Variants in ANKRD30BL observed in about 807,000 individuals in gnomAD.
ANKRD30BL encodes the protein ankyrin repeat domain 30B like, also known as putative ankyrin repeat domain-containing protein 30B-like.
A neutral mutation model predicts 18.4 loss-of-function variants in ANKRD30BL; 20 were observed. The ratio of observed to expected loss-of-function variants is 1.09; its 90% CI spans 0.77 to 1.58. The LOEUF (loss-of-function observed/expected upper bound fraction) is 1.58. Ranked by LOEUF, ANKRD30BL falls within the 40% of genes most tolerant of loss-of-function variation. The pLI, the probability that ANKRD30BL is intolerant of heterozygous loss-of-function variation, is 0.00. For synonymous variants in ANKRD30BL, 72 were observed against 100.9 expected (o/e 0.71, Z 1.72); for missense variants, 224 against 268.6 (o/e 0.83, Z 1.16).
chr2:132,214,992 T>A (rs919733068), intron 1 of ANKRD30BL, among the ~76,000 whole-genome samples: 1 of 152,012 alleles, frequency 6.6e-6, no homozygotes, highest in African/African-American at 2.4e-5. Context: ...GTGTGGCCTA[T>A]GGTGGAAAAA....
At chr2:132,231,750 C>A (rs113175995) in intron 1 of ANKRD30BL, among the ~76,000 whole-genome samples, 1 of 151,958 alleles carries the variant, frequency 6.6e-6, no homozygotes, top group Non-Finnish European at 1.5e-5. Flanking sequence ...AAGGTGGCAG[C>A]GAGGCTGGGG....
chr2:132,169,871 G>T (rs1688249449), intron 1 of ANKRD30BL, among the ~76,000 whole-genome samples: 1 of 151,898 alleles, frequency 6.6e-6, no homozygotes, highest in Admixed American at 6.6e-5. Context: ...TGCATCTCTA[G>T]GTGGTTTTTG....
chr2:132,205,194 C>T (rs1573839198), intron 1 of ANKRD30BL, among the ~76,000 whole-genome samples: 1 of 152,080 alleles, frequency 6.6e-6, no homozygotes, highest in African/African-American at 2.4e-5. Flanking sequence ...TCCAAGAATA[C>T]ATTTCAGGAA....
intron 1 of ANKRD30BL, among the ~76,000 whole-genome samples, chr2:132,188,750 T>G (rs200849859): frequency 3.3e-5 from 5 of 151,952 alleles, no homozygotes; most frequent in African/African-American, 1.2e-4. Context: ...ATTAACACCT[T>G]GCTTATTATA....
Position 132,216,460 on chromosome 2 carries a change from C to G in ANKRD30BL, n.441+41069G>C, listed in dbSNP as rs528391415. Among the ~76,000 whole-genome samples the G allele has an allele frequency of 5.6e-4, 85 of 152,048 alleles. 1 individual carries two copies. The highest frequency in any genetic ancestry group is 2.0e-3 in the African/African-American group (82 of 41,498). The stretch of plus-strand genomic sequence containing the variant: ...TTTGGTTGAGCAGTTTGGAAACACT[C>G]TTTTTGTAGAATCTGCAAGTGGACA... On this transcript the variant is annotated intron_variant and non_coding_transcript_variant, in intron 1 of 4. Coordinates refer to the ANKRD30BL transcript ENST00000470729.
rs184291660 is a variant in ANKRD30BL, at chr2:132,235,421, T to C, written n.441+22108A>G. Reference sequence around the variant, plus strand: ...TTGTCCCTGTTTGCAGATGACATGATTGTATATCTAGAAAACCCCATTGTC... The same window carrying C: ...TTGTCCCTGTTTGCAGATGACATGACTGTATATCTAGAAAACCCCATTGTC... On this transcript the variant is annotated intron_variant and non_coding_transcript_variant, in intron 1 of 4. Transcript: ENST00000470729. Among the ~76,000 whole-genome samples the C allele has an allele frequency of 2.0e-4, 31 of 152,236 alleles. 1 individual carries two copies. The East Asian group carries it at 5.6e-3, about 28-fold the overall frequency.
chr2:132,214,679 A>C (rs564688876), intron 1 of ANKRD30BL, among the ~76,000 whole-genome samples: 38 of 152,038 alleles, frequency 2.5e-4, no homozygotes, highest in Admixed American at 1.1e-3. Flanking sequence ...TCTTCACATA[A>C]AAACTAGACA....
At chr2:132,228,607 A>G (rs1017708688) in intron 1 of ANKRD30BL, among the ~76,000 whole-genome samples, 23 of 151,462 alleles carry the variant, frequency 1.5e-4, no homozygotes, top group African/African-American at 5.6e-4. Context: ...ATTTTCACAT[A>G]GAAACTAGAC....
At chr2:132,169,586 G>T (rs1046815772) in intron 1 of ANKRD30BL, among the ~76,000 whole-genome samples, 2 of 146,058 alleles carry the variant, frequency 1.4e-5, no homozygotes, top group African/African-American at 5.2e-5. Flanking sequence ...GGCAGATGTT[G>T]CAGTGAGCCA....
Position 132,154,644 on chromosome 2 carries a change from T to TA in ANKRD30BL, c.614+17dup, listed in dbSNP as rs79388922. 331,784 of 642,188 alleles carry TA rather than the reference T, an allele frequency of 0.52. 86,728 individuals are homozygous for TA. Among genetic ancestry groups the TA allele is most frequent in the Admixed American group, 0.56 (20,828 of 37,262 alleles). 39.8% of individuals were successfully genotyped at this position (642,188 alleles called of 1,614,324 possible). A position where few individuals can be genotyped will look rare whatever the true frequency, so the allele number is the denominator to read the frequency against. The stretch of plus-strand genomic sequence containing the variant: ...AGCACACTACTCAAGTGTTTTTTAA[T>TA]AAAAAAAACTACTATACCATTTAAA... On this transcript the variant is annotated intron_variant, in intron 4 of 5. Transcript: ENST00000409867.
Position 132,222,832 on chromosome 2 carries a change from TA to T in ANKRD30BL, n.441+34696del, listed in dbSNP as rs71001178. Among the ~76,000 whole-genome samples, 202 of 52,782 alleles carry T rather than the reference TA, an allele frequency of 3.8e-3. 1 individual carries two copies. The highest frequency in any genetic ancestry group is 9.9e-3 in the African/African-American group (190 of 19,180). 34.6% of individuals were successfully genotyped at this position (52,782 alleles called of 152,430 possible). A position where few individuals can be genotyped will look rare whatever the true frequency, so the allele number is the denominator to read the frequency against. On this transcript the variant is annotated intron_variant and non_coding_transcript_variant, in intron 1 of 4. Transcript: ENST00000470729. ...GTGAGAAACAGCCAAGAATGATCAATAAAAAAAAAAAAAAAAAAAAAAAAAA... is the reference window on the plus strand; with the variant it reads ...GTGAGAAACAGCCAAGAATGATCAATAAAAAAAAAAAAAAAAAAAAAAAAA...
At chr2:132,244,817 TC>T (rs1680447272) in intron 1 of ANKRD30BL, among the ~76,000 whole-genome samples, 11 of 152,224 alleles carry the variant, frequency 7.2e-5, no homozygotes, top group African/African-American at 2.7e-4. Flanking sequence ...TTTGCATTCA[TC>T]TCACAGAGTT....
At chr2:132,241,422 C>T (rs1049251655) in intron 1 of ANKRD30BL, among the ~76,000 whole-genome samples, 1 of 150,714 alleles carries the variant, frequency 6.6e-6, no homozygotes, top group Admixed American at 6.7e-5. Context: ...GTTGAACCTT[C>T]CCTTTCATAG....
intron 1 of ANKRD30BL, among the ~76,000 whole-genome samples, chr2:132,222,832 T>TAAAAAAAAAAAACA: frequency 1.9e-5 from 1 of 52,808 alleles, no homozygotes; most frequent in Non-Finnish European, 3.8e-5. Context: ...GAATGATCAA[T>TAAAAAAAAAAAACA]AAAAAAAAAA....
intron 4 of ANKRD30BL, among the ~76,000 whole-genome samples, chr2:132,154,323 G>C (rs1031465580): frequency 2.6e-5 from 4 of 152,106 alleles, no homozygotes; most frequent in African/African-American, 7.2e-5. Context: ...CTATAAAGGT[G>C]TTAATCATTC....
chr2:132,237,965 A>G lies in ANKRD30BL; in HGVS notation n.441+19564T>C, dbSNP rs200510051. On this transcript the variant is annotated intron_variant and non_coding_transcript_variant, in intron 1 of 4. Transcript: ENST00000470729. ...TGTTTGGAAAAGGAAATATCTTCAC[A>G]TAAAAACCAGACAGAAGCATTCTCA... Among the ~76,000 whole-genome samples the G allele has an allele frequency of 5.4e-3, 823 of 152,088 alleles. 32 individuals are homozygous for G. The highest frequency in any genetic ancestry group is 0.045 in the Admixed American group (690 of 15,190).
At chr2:132,169,289 G>C (rs1295161566) in intron 1 of ANKRD30BL, among the ~76,000 whole-genome samples, 1 of 152,200 alleles carries the variant, frequency 6.6e-6, no homozygotes, top group Non-Finnish European at 1.5e-5. Context: ...ACATTTGTGT[G>C]AGTTGCATGA....
chr2:132,232,288 C>A (rs1003475750), intron 1 of ANKRD30BL, among the ~76,000 whole-genome samples: 2 of 152,310 alleles, frequency 1.3e-5, no homozygotes, highest in East Asian at 3.9e-4. Context: ...GTCTCCTCCT[C>A]CAAAGGAACG....
intron 1 of ANKRD30BL, among the ~76,000 whole-genome samples, chr2:132,205,439 T>C (rs1020232505): frequency 6.7e-5 from 10 of 149,388 alleles, no homozygotes; most frequent in African/African-American, 2.6e-4. Flanking sequence ...CCACCTCTAC[T>C]AAAAATACAA....
Sources: gnomAD v4.1 joint callset for allele counts (sites outside exome capture counted in the v4.1 genomes callset) on GRCh38, gnomAD v4.1.1 for gene constraint, MANE v1.5 for transcripts, NCBI Gene and HGNC (gene_info 2026-07-23, HGNC 2026-07-21) for gene names.